Variants in PKMYT1 observed in about 807,000 individuals in gnomAD.
The protein encoded by PKMYT1 is protein kinase, membrane associated tyrosine/threonine 1.
PKMYT1 carries 35 observed loss-of-function variants against 49.7 expected under a neutral mutation model. The observed-to-expected ratio is 0.70, with a 90% CI of 0.54 to 0.93. The LOEUF (loss-of-function observed/expected upper bound fraction) is 0.93, where lower values mean the gene tolerates loss of function less well. Among genes scored for constraint, PKMYT1 ranks in the 40% least tolerant of loss-of-function variants. PKMYT1 has a pLI of 0.00. For synonymous variants in PKMYT1, 331 were observed against 287.6 expected (o/e 1.15, Z -1.53); for missense variants, 677 against 673.1 (o/e 1.01, Z -0.06).
chr16:2,978,876 G>A (rs910817235), intron 2 of PKMYT1, among the ~76,000 whole-genome samples: 1 of 150,942 alleles, frequency 6.6e-6, no homozygotes, highest in African/African-American at 2.4e-5. Context: ...GTATGATCTC[G>A]GCCCACTGCA....
In PKMYT1 at chr16:2,976,962, G is replaced by A. The variant is rs1009481426; in HGVS notation, c.80C>T (p.Pro27Leu). 6.4e-7 allele frequency: 1 copy of A among 1,556,760 alleles called. No homozygotes were observed. The highest frequency in any genetic ancestry group is 8.7e-7 in the Non-Finnish European group (1 of 1,149,534). ...TPPPLSGTPI[P>L]VPAYFRHAEP... ...TGCGTGGCGGAAGTAGGCTGGGACT[G>A]GGATGGGGGTGCCACTCAGAGGTGG... The change falls in exon 3 of 9, where the codon CCA becomes CTA. Residue 27 changes from proline to leucine, a missense_variant. By Grantham distance (98) the Pro-to-Leu change is moderately conservative. Transcript: ENST00000262300.
At position 2,976,945 on chromosome 16, in the gene PKMYT1, G is replaced by A. The variant is rs769593499; in HGVS notation, c.97C>T (p.Arg33Cys). The change falls in exon 3 of 9, where the codon CGC becomes TGC. Residue 33 changes from arginine to cysteine, a missense_variant. Physicochemically the swap from Arg to Cys is radical, Grantham distance 180 (BLOSUM62 -3). Transcript: ENST00000262300. ...AGGGAGAATCCAGGTTCTGCGTGGC[G>A]GAAGTAGGCTGGGACTGGGATGGGG... ...GTPIPVPAYF[R>C]HAEPGFSLKR... 2.0e-5 allele frequency: 31 copies of A among 1,551,784 alleles called. No individual in the cohort carries two copies. The highest frequency in any genetic ancestry group is 1.7e-4 in the Middle Eastern group (1 of 5,960).
Position 2,973,124 on chromosome 16 carries a change from C to T in PKMYT1, c.1388+14G>A. 6.4e-7 allele frequency: 1 copy of T among 1,557,734 alleles called. No homozygotes were observed. The highest frequency in any genetic ancestry group is 1.9e-5 in the Admixed American group (1 of 51,856). On this transcript the variant is annotated intron_variant, in intron 8 of 8. Coordinates refer to ENST00000262300, the MANE Select transcript of PKMYT1 (RefSeq NM_004203.5). Reference sequence around the variant, plus strand: ...AAGCTAGCCCTGCCCACCCCAGCCCCTGGACCTGCTTACCTGGGTGTGCAC... The same window carrying T: ...AAGCTAGCCCTGCCCACCCCAGCCCTTGGACCTGCTTACCTGGGTGTGCAC...
intron 2 of PKMYT1, among the ~76,000 whole-genome samples, chr16:2,978,641 G>A (rs1029104942): frequency 6.6e-6 from 1 of 150,774 alleles, no homozygotes; most frequent in South Asian, 2.1e-4. Context: ...CCAGCTACTC[G>A]GGAGGCTGAG....
Position 2,974,657 on chromosome 16 carries a change from C to CT in PKMYT1, c.873-2dup, listed in dbSNP as rs1346800499. ...CACTTCCAGGATGGTGAGGCCCAGA[C>CT]TGGCAGGGACGGGATGGGGACAGAA... On this transcript the variant is annotated splice_acceptor_variant, in intron 4 of 8. Transcript: ENST00000262300. LOFTEE classifies it high-confidence loss of function. The CT allele has an allele frequency of 6.4e-7, 1 of 1,552,886 alleles. No individual in the cohort carries two copies. The highest frequency in any genetic ancestry group is 8.7e-7 in the Non-Finnish European group (1 of 1,146,450).
chr16:2,973,755 C>T (rs918308069), intron 7 of PKMYT1, among the ~76,000 whole-genome samples: 4 of 152,270 alleles, frequency 2.6e-5, no homozygotes, highest in Admixed American at 6.5e-5. Context: ...GTCGGGGCTG[C>T]GCGGCCAGCC....
chr16:2,975,726 C>A lies in PKMYT1; in HGVS notation c.465G>T (p.Leu155Phe). ...CCTTCTCGTGGCTGCCCACCTCGGCCAACTTGCGGGCCCGGTCCTTGGGGC... is the reference window on the plus strand; with the variant it reads ...CCTTCTCGTGGCTGCCCACCTCGGCAAACTTGCGGGCCCGGTCCTTGGGGC... ...FRGPKDRARK[L>F]AEVGSHEKVG... The change falls in exon 4 of 9, where the codon TTG becomes TTT. Residue 155 changes from leucine to phenylalanine, a missense_variant. By Grantham distance (22) the Leu-to-Phe change is conservative (BLOSUM62 0). Transcript: ENST00000262300. 6.2e-7 allele frequency: 1 copy of A among 1,604,884 alleles called. No individual in the cohort carries two copies. Among genetic ancestry groups the A allele is most frequent in the Non-Finnish European group, 8.5e-7 (1 of 1,179,896 alleles).
Position 2,975,805 on chromosome 16 carries a change from G to A in PKMYT1, c.386C>T (p.Ser129Phe). Residue 129 changes from serine (S) to phenylalanine (F), a missense_variant, in exon 4 of 9, where the codon TCC (serine) becomes TTC (phenylalanine). Coordinates refer to ENST00000262300, the MANE Select transcript of PKMYT1 (RefSeq NM_004203.5). ...CGCATAGAGCCGGCCGTCCTCCTTG[G>A]AGCGCACCTGGAAGGGAGGTGGTAC... ...GSYGEVFKVRSKEDGRLYAVK... is the reference protein window; with the variant it reads ...GSYGEVFKVRFKEDGRLYAVK... 4 of 1,589,172 alleles carry A rather than the reference G, an allele frequency of 2.5e-6. No individual in the cohort carries two copies. Among genetic ancestry groups the A allele is most frequent in the South Asian group, 2.2e-5 (2 of 89,998 alleles).
Position 2,974,107 on chromosome 16 carries a change from G to C in PKMYT1, c.1203C>G (p.Ala401=), listed in dbSNP as rs758869895. The C allele has an allele frequency of 1.9e-6, 3 of 1,607,062 alleles. No individual in the cohort carries two copies. Among genetic ancestry groups the C allele is most frequent in the Non-Finnish European group, 1.7e-6 (2 of 1,177,200 alleles). ...CWLWHGLAHP[A]SWLQPLGPPA... is the part of the protein sequence containing the mutation. Reference sequence around the variant, plus strand: ...GCGGGCCCAGGGGCTGTAGCCAGCTGGCAGGGTGAGCCAGCCCATGCCAGA... The same window carrying C: ...GCGGGCCCAGGGGCTGTAGCCAGCTCGCAGGGTGAGCCAGCCCATGCCAGA... Residue 401 remains alanine (A), a synonymous_variant, in exon 7 of 9, where the codon GCC becomes GCG. Transcript: ENST00000262300.
intron 3 of PKMYT1, 117 bp from the exon 4 acceptor site, chr16:2,975,929 A>G: frequency 9.2e-7 from 1 of 1,090,850 alleles, no homozygotes; most frequent in Admixed American, 2.4e-5. Context: ...ACGGTGGTGT[A>G]GCTGGCATCT....
In PKMYT1 at chr16:2,979,848, G is replaced by C; in HGVS notation, c.-191C>G. On this transcript the variant is annotated 5_prime_UTR_variant, in exon 2 of 9. Coordinates refer to ENST00000262300, the MANE Select transcript of PKMYT1 (RefSeq NM_004203.5). ...GACACATCTGCTGGCCACCTTTCCC[G>C]GTAGACGGTAAGTTCCTCCCAGGCA... 1 of 632,222 alleles carries C rather than the reference G, an allele frequency of 1.6e-6. No homozygotes were observed. The highest frequency in any genetic ancestry group is 2.8e-6 in the Non-Finnish European group (1 of 357,472). 39.2% of individuals were successfully genotyped at this position (632,222 alleles called of 1,614,324 possible).
intron 5 of PKMYT1, 24 bp from the exon 6 acceptor site, chr16:2,974,441 C>A (rs752374560): frequency 6.3e-7 from 1 of 1,594,850 alleles, no homozygotes; most frequent in Admixed American, 1.7e-5. Context: ...AGGGCCACAT[C>A]GGGGTCCCAG....
chr16:2,977,237 T>C lies in PKMYT1; in HGVS notation c.11-206A>G, dbSNP rs886672496. On this transcript the variant is annotated intron_variant, in intron 2 of 8. Transcript: ENST00000262300. ...ACCTGCCCACCAGGCTGTTGTATTT[T>C]AGAGATGATAGAAACATAAGAGGAA... is the stretch of plus-strand genomic sequence containing the variant. 4.2e-5 allele frequency: 59 copies of C among 1,397,340 alleles called. No individual in the cohort carries two copies. In the South Asian group the frequency reaches 7.0e-4, roughly 17 times the overall value. 86.6% of individuals were successfully genotyped at this position (1,397,340 alleles called of 1,614,324 possible).
Position 2,972,985 on chromosome 16 carries a change from T to C in PKMYT1, c.1468A>G (p.Ser490Gly), listed in dbSNP as rs760884862. ...FPSFEPRNLL[S>G]LFEDTLDPT Reference sequence around the variant, plus strand: ...GGGTCTAGGGTGTCCTCAAACAGGCTGAGGAGGTTCCGAGGCTCAAAGGAG... The same window carrying C: ...GGGTCTAGGGTGTCCTCAAACAGGCCGAGGAGGTTCCGAGGCTCAAAGGAG... Residue 490 changes from serine (S) to glycine (G), a missense_variant, in exon 9 of 9, where the codon AGC (serine) becomes GGC (glycine). Ser to Gly is a moderately conservative substitution (Grantham distance 56). Transcript: ENST00000262300. 72 of 1,609,994 alleles carry C rather than the reference T, an allele frequency of 4.5e-5. No individual in the cohort carries two copies. Among genetic ancestry groups the C allele is most frequent in the Non-Finnish European group, 5.9e-5 (70 of 1,179,140 alleles).
Position 2,979,704 on chromosome 16 carries a change from A to G in PKMYT1, c.-47T>C. The G allele has an allele frequency of 6.2e-7, 1 of 1,613,146 alleles. No homozygotes were observed. ...TCAGTGGTGGGACGGGGGAGGCAGGAGCAGGGGCTCCCACGTGAATCCAGG... is the reference window on the plus strand; with the variant it reads ...TCAGTGGTGGGACGGGGGAGGCAGGGGCAGGGGCTCCCACGTGAATCCAGG... On this transcript the variant is annotated 5_prime_UTR_variant, in exon 2 of 9. Coordinates refer to ENST00000262300, the MANE Select transcript of PKMYT1 (RefSeq NM_004203.5).
rs919394036 is a variant in PKMYT1 at position 2,976,589 on chromosome 16, A to G, written c.378+75T>C. 41 of 1,380,872 alleles carry G rather than the reference A, an allele frequency of 3.0e-5. No individual in the cohort carries two copies. In the African/African-American group the frequency reaches 5.5e-4, roughly 19 times the overall value. 85.5% of individuals were successfully genotyped at this position (1,380,872 alleles called of 1,614,324 possible). On this transcript the variant is annotated intron_variant, in intron 3 of 8. Coordinates refer to ENST00000262300, the MANE Select transcript of PKMYT1 (RefSeq NM_004203.5). Reference sequence around the variant, plus strand: ...GGAAGGGGATCAGGCTGCCCAGGACACTGTCCTGCCAAGGGAGGTGCAGAA... The same window carrying G: ...GGAAGGGGATCAGGCTGCCCAGGACGCTGTCCTGCCAAGGGAGGTGCAGAA...
chr16:2,975,760 G>T lies in PKMYT1; in HGVS notation c.431C>A (p.Pro144Gln). 1 of 1,600,550 alleles carries T rather than the reference G, an allele frequency of 6.2e-7. No individual in the cohort carries two copies. The highest frequency in any genetic ancestry group is 8.5e-7 in the Non-Finnish European group (1 of 1,179,846). The change falls in exon 4 of 9, where the codon CCA (proline) becomes CAA (glutamine). Residue 144 changes from proline (P) to glutamine (Q), a missense_variant. Pro to Gln is a moderately conservative substitution (Grantham distance 76). Transcript: ENST00000262300. Reference protein sequence around the residue: ...RLYAVKRSMSPFRGPKDRARK... With the variant: ...RLYAVKRSMSQFRGPKDRARK... Reference sequence around the variant, plus strand: ...GGCCCGGTCCTTGGGGCCCCGGAATGGTGACATGGAACGCTTTACCGCATA... The same window carrying T: ...GGCCCGGTCCTTGGGGCCCCGGAATTGTGACATGGAACGCTTTACCGCATA...
intron 2 of PKMYT1, chr16:2,977,437 A>G (rs974071079): frequency 1.8e-5 from 18 of 1,003,784 alleles, no homozygotes; most frequent in Non-Finnish European, 2.0e-5. Context: ...CCAATTCCAA[A>G]GTGAAAACCC....
In PKMYT1 at chr16:2,977,039, CAG is replaced by C. The variant is rs747146295; in HGVS notation, c.11-10_11-9del. 1.9e-6 allele frequency: 3 copies of C among 1,589,022 alleles called. No homozygotes were observed. The highest frequency in any genetic ancestry group is 1.3e-5 in the African/African-American group (1 of 74,712). The stretch of plus-strand genomic sequence containing the variant: ...TGGCCAGTGCAGGAGGCCCTGGGGG[CAG>C]AGACAGAGGCTGAGTACAGGGCAGC... On this transcript the variant is annotated splice_polypyrimidine_tract_variant and intron_variant, in intron 2 of 8. Transcript: ENST00000262300.
Sources: allele counts gnomAD v4.1 joint callset (sites outside exome capture counted in the v4.1 genomes callset), GRCh38; gene constraint gnomAD v4.1.1; transcripts MANE v1.5; gene names NCBI Gene and HGNC (gene_info 2026-07-23, HGNC 2026-07-21).